Variants in ARB2A observed in about 807,000 individuals in gnomAD.
The protein encoded by ARB2A is ARB2 cotranscriptional regulator A, also known as cotranscriptional regulator ARB2A.
the ARB2A span, among the ~76,000 whole-genome samples, chr5:93,711,928 C>T: frequency 1.3e-5 from 2 of 152,132 alleles, no homozygotes; most frequent in Admixed American, 6.5e-5. Flanking sequence ...TTGGGGCGAG[C>T]GGTAGACCAG....
At chr5:93,852,635 G>C in the ARB2A span, among the ~76,000 whole-genome samples, 6 of 152,136 alleles carry the variant, frequency 3.9e-5, no homozygotes, top group Non-Finnish European at 7.3e-5. Flanking sequence ...TTTTGTATTA[G>C]GTGTAAGGAA....
the ARB2A span, among the ~76,000 whole-genome samples, chr5:93,688,758 T>C: frequency 6.6e-6 from 1 of 152,164 alleles, no homozygotes; most frequent in Non-Finnish European, 1.5e-5. Context: ...ATCCACACAA[T>C]TGCCCAAACC....
At chr5:93,988,606 C>A in the ARB2A span, among the ~76,000 whole-genome samples, 1 of 152,160 alleles carries the variant, frequency 6.6e-6, no homozygotes, top group South Asian at 2.1e-4. Flanking sequence ...GTTTTTGACA[C>A]CAGACTTTAA....
At chr5:93,929,244 G>A in the ARB2A span, among the ~76,000 whole-genome samples, 70 of 152,086 alleles carry the variant, frequency 4.6e-4, no homozygotes, top group Non-Finnish European at 3.1e-4. Context: ...TGTCAAAAGC[G>A]ACTCTCAGGG....
At chr5:93,972,014 C>T in the ARB2A span, among the ~76,000 whole-genome samples, 1 of 152,148 alleles carries the variant, frequency 6.6e-6, no homozygotes, top group Non-Finnish European at 1.5e-5. Context: ...AGTAATCTCT[C>T]GCCTCCCTGC....
chr5:94,026,887 T>C, the ARB2A span, among the ~76,000 whole-genome samples: 1 of 152,080 alleles, frequency 6.6e-6, no homozygotes, highest in Non-Finnish European at 1.5e-5. Flanking sequence ...AAAATGCAGG[T>C]CTAGTGAAGA....
chr5:94,046,707 G>A, the ARB2A span, among the ~76,000 whole-genome samples: 3 of 152,190 alleles, frequency 2.0e-5, no homozygotes, highest in African/African-American at 7.2e-5. Context: ...AGCTAGCTTC[G>A]GGATAAATTC....
At chr5:93,729,794 G>C in the ARB2A span, among the ~76,000 whole-genome samples, 2 of 152,032 alleles carry the variant, frequency 1.3e-5, no homozygotes, top group East Asian at 1.9e-4. Context: ...ATGCACATGA[G>C]AGTAAACATG....
At chr5:94,066,210 C>T in the ARB2A span, among the ~76,000 whole-genome samples, 92 of 151,516 alleles carry the variant, frequency 6.1e-4, no homozygotes, top group Non-Finnish European at 1.0e-3. Flanking sequence ...TAAAAGGAAA[C>T]GATACAGCAA....
the ARB2A span, among the ~76,000 whole-genome samples, chr5:93,930,821 CTT>C: frequency 3.9e-5 from 6 of 152,086 alleles, no homozygotes; most frequent in African/African-American, 1.4e-4. Flanking sequence ...TGAAAATACT[CTT>C]TTTATTTTTA....
At chr5:93,886,997 T>C in the ARB2A span, among the ~76,000 whole-genome samples, 1 of 151,574 alleles carries the variant, frequency 6.6e-6, no homozygotes, top group African/African-American at 2.4e-5. Context: ...ATCAAGTTAG[T>C]CAGTAAAAGA....
chr5:93,856,832 C>T, the ARB2A span, among the ~76,000 whole-genome samples: 9 of 152,088 alleles, frequency 5.9e-5, no homozygotes, highest in South Asian at 1.7e-3. Context: ...TGAGGAACTG[C>T]GTTCCTTTGA....
At chr5:93,969,740 T>C in the ARB2A span, among the ~76,000 whole-genome samples, 2 of 152,146 alleles carry the variant, frequency 1.3e-5, no homozygotes, top group Non-Finnish European at 2.9e-5. Context: ...TTTTGACATT[T>C]ATTAAGCACT....
the ARB2A span, among the ~76,000 whole-genome samples, chr5:93,679,634 G>C: frequency 6.6e-6 from 1 of 152,016 alleles, no homozygotes; most frequent in South Asian, 2.1e-4. Flanking sequence ...CATATGGTTA[G>C]TCCACAGCAA....
At chr5:93,692,459 A>G in the ARB2A span, among the ~76,000 whole-genome samples, 1 of 152,256 alleles carries the variant, frequency 6.6e-6, no homozygotes, top group African/African-American at 2.4e-5. Flanking sequence ...AAAGGGCATT[A>G]CATAATAGTA....
chr5:93,751,402 A>T, the ARB2A span, among the ~76,000 whole-genome samples: 4 of 152,236 alleles, frequency 2.6e-5, no homozygotes, highest in African/African-American at 9.6e-5. Flanking sequence ...AAGGTCTCAA[A>T]GAATACTTAG....
chr5:93,998,843 C>T, the ARB2A span, among the ~76,000 whole-genome samples: 2 of 151,924 alleles, frequency 1.3e-5, no homozygotes, highest in Admixed American at 1.3e-4. Flanking sequence ...CTTATAAAAC[C>T]ATTACTAGGC....
At chr5:93,664,071 T>A in the ARB2A span, among the ~76,000 whole-genome samples, 25,967 of 151,722 alleles carry the variant, frequency 0.17, 2,557 homozygotes, top group Middle Eastern at 0.26. Flanking sequence ...CTCTTTTTTT[T>A]ATTTTTATAC....
At chr5:93,637,901 A>C in the ARB2A span, among the ~76,000 whole-genome samples, 1 of 152,156 alleles carries the variant, frequency 6.6e-6, no homozygotes, top group African/African-American at 2.4e-5. Flanking sequence ...GTATTGCATC[A>C]GCTTGACCTT....
Sources: gnomAD v4.1 joint callset for allele counts (sites outside exome capture counted in the v4.1 genomes callset) on GRCh38, gnomAD v4.1.1 for gene constraint, MANE v1.5 for transcripts, NCBI Gene and HGNC (gene_info 2026-07-23, HGNC 2026-07-21) for gene names.